NXPH1: variants seen among roughly 807,000 people sequenced by gnomAD.
NXPH1 encodes neurexophilin-1.
NXPH1 carries 5 observed loss-of-function variants against 23.7 expected under a neutral mutation model. The observed-to-expected ratio is 0.21, with a 90% CI of 0.11 to 0.44. NXPH1 has a LOEUF of 0.44. Among genes scored for constraint, NXPH1 ranks in the 20% least tolerant of loss-of-function variants. The probability of loss-of-function intolerance (pLI) is 0.99; values close to 1 mark genes in which losing one functional copy is unlikely to be tolerated. For synonymous variants in NXPH1, 144 were observed against 122.2 expected, an observed-to-expected ratio of 1.18 and a Z score of -1.18; for missense variants, 324 against 321.6, an observed-to-expected ratio of 1.01 and a Z score of -0.06.
intron 2 of NXPH1, among the ~76,000 whole-genome samples, chr7:8,659,551 G>A (rs1221086173): frequency 6.6e-6 from 1 of 152,092 alleles, no homozygotes; most frequent in African/African-American, 2.4e-5. Flanking sequence ...TTGGACACAG[G>A]AAGGGGAACA....
intron 2 of NXPH1, among the ~76,000 whole-genome samples, chr7:8,562,801 T>C (rs1023253307): frequency 6.6e-6 from 1 of 151,728 alleles, no homozygotes; most frequent in East Asian, 1.9e-4. Context: ...TGTATTGGTA[T>C]GTGCATATAT....
At chr7:8,725,893 A>G (rs777664533) in intron 2 of NXPH1, among the ~76,000 whole-genome samples, 9 of 152,258 alleles carry the variant, frequency 5.9e-5, no homozygotes, top group Middle Eastern at 3.4e-3. Flanking sequence ...CTGATCAGAA[A>G]AAGACACTAG....
At chr7:8,600,349 T>A (rs554846961) in intron 2 of NXPH1, among the ~76,000 whole-genome samples, 3 of 152,198 alleles carry the variant, frequency 2.0e-5, no homozygotes, top group African/African-American at 7.2e-5. Context: ...TTCCTACTTA[T>A]GCTTTTGCCC....
intron 2 of NXPH1, among the ~76,000 whole-genome samples, chr7:8,511,449 G>A (rs1407606717): frequency 6.6e-6 from 1 of 152,132 alleles, no homozygotes; most frequent in Non-Finnish European, 1.5e-5. Flanking sequence ...CTCCACTGCT[G>A]TCTGGCACCC....
At chr7:8,643,911 A>G (rs1463626703) in intron 2 of NXPH1, among the ~76,000 whole-genome samples, 1 of 152,018 alleles carries the variant, frequency 6.6e-6, no homozygotes, top group Non-Finnish European at 1.5e-5. Context: ...GTTTCATTTC[A>G]TACTTTTGTT....
chr7:8,726,545 C>T (rs1780057353), intron 2 of NXPH1, among the ~76,000 whole-genome samples: 1 of 140,936 alleles, frequency 7.1e-6, no homozygotes, highest in African/African-American at 2.7e-5. Context: ...TCCATGTGTT[C>T]TCATTGTTCA....
chr7:8,545,399 G>A (rs535970034), intron 2 of NXPH1, among the ~76,000 whole-genome samples: 1 of 151,432 alleles, frequency 6.6e-6, no homozygotes, highest in South Asian at 2.1e-4. Context: ...GCAAAAAGAT[G>A]AAAAATAGTA....
intron 2 of NXPH1, among the ~76,000 whole-genome samples, chr7:8,666,053 AT>A (rs71017612): frequency 0.73 from 110,641 of 150,872 alleles, 40,902 homozygotes; most frequent in East Asian, 1. Flanking sequence ...TCTTTTGTCT[AT>A]TTTTTTCTGG....
At chr7:8,563,629 T>C (rs1278928737) in intron 2 of NXPH1, among the ~76,000 whole-genome samples, 2 of 151,672 alleles carry the variant, frequency 1.3e-5, no homozygotes, top group East Asian at 3.9e-4. Context: ...AGGGAAAGGA[T>C]TTTAGGAGAA....
At chr7:8,528,291 C>T (rs1817896843) in intron 2 of NXPH1, among the ~76,000 whole-genome samples, 1 of 152,236 alleles carries the variant, frequency 6.6e-6, no homozygotes, top group Non-Finnish European at 1.5e-5. Flanking sequence ...GGGCTGCTTG[C>T]TGAGGTAATG....
At chr7:8,727,761 T>A (rs1780081169) in intron 2 of NXPH1, among the ~76,000 whole-genome samples, 1 of 152,154 alleles carries the variant, frequency 6.6e-6, no homozygotes, top group Non-Finnish European at 1.5e-5. Flanking sequence ...TAGTTTGAAG[T>A]CAAGTAGCGT....
chr7:8,456,744 G>A (rs1015973531), intron 2 of NXPH1, among the ~76,000 whole-genome samples: 2 of 152,162 alleles, frequency 1.3e-5, no homozygotes, highest in African/African-American at 2.4e-5. Context: ...AATAACTGCA[G>A]TAAGAAACAC....
At chr7:8,536,048 T>A (rs1818020549) in intron 2 of NXPH1, among the ~76,000 whole-genome samples, 1 of 152,080 alleles carries the variant, frequency 6.6e-6, no homozygotes, top group South Asian at 2.1e-4. Flanking sequence ...CTAAACACCT[T>A]GTACTTCTAC....
intron 2 of NXPH1, among the ~76,000 whole-genome samples, chr7:8,670,086 C>T (rs1820843974): frequency 6.6e-6 from 1 of 152,080 alleles, no homozygotes; most frequent in African/African-American, 2.4e-5. Context: ...TATCAGTAAC[C>T]CCTAATGACG....
chr7:8,625,451 C>G (rs1819966974), intron 2 of NXPH1, among the ~76,000 whole-genome samples: 1 of 152,132 alleles, frequency 6.6e-6, no homozygotes. Context: ...GCAGATGATA[C>G]CATTCTGCTT....
intron 2 of NXPH1, among the ~76,000 whole-genome samples, chr7:8,703,952 A>G (rs1779665803): frequency 6.6e-6 from 1 of 152,030 alleles, no homozygotes; most frequent in Admixed American, 6.6e-5. Context: ...ATATCAGAAT[A>G]CTCCAGAGGA....
At chr7:8,568,966 G>GA (rs1818599082) in intron 2 of NXPH1, among the ~76,000 whole-genome samples, 1 of 151,718 alleles carries the variant, frequency 6.6e-6, no homozygotes, top group Admixed American at 6.6e-5. Flanking sequence ...TATGGAATTA[G>GA]AAAAAAATTA....
chr7:8,618,226 T>A (rs1819788518), intron 2 of NXPH1, among the ~76,000 whole-genome samples: 1 of 152,166 alleles, frequency 6.6e-6, no homozygotes, highest in African/African-American at 2.4e-5. Flanking sequence ...CATTTTGGGA[T>A]CTATTTTATG....
At chr7:8,617,318 G>C (rs945961729) in intron 2 of NXPH1, among the ~76,000 whole-genome samples, 2 of 152,052 alleles carry the variant, frequency 1.3e-5, no homozygotes, top group Non-Finnish European at 2.9e-5. Flanking sequence ...TCCTATAAAA[G>C]AAAGGAAATC....
Sources: gnomAD v4.1 joint callset for allele counts (sites outside exome capture counted in the v4.1 genomes callset) on GRCh38, gnomAD v4.1.1 for gene constraint, MANE v1.5 for transcripts, NCBI Gene and HGNC (gene_info 2026-07-23, HGNC 2026-07-21) for gene names.